The following TGFBR1 variants were observed in gnomAD, a reference collection of about 807,000 sequenced individuals.
The protein encoded by TGFBR1 is TGF-beta receptor type-1.
Under a neutral mutation model 55.1 loss-of-function variants are expected in TGFBR1, and 20 were observed. The observed-to-expected ratio is 0.36, with a 90% confidence interval of 0.26 to 0.53. TGFBR1 has a LOEUF of 0.53. TGFBR1 is among the 20% of genes least tolerant of loss of function. The pLI is 0.91. For synonymous variants in TGFBR1, 220 were observed against 214.8 expected (o/e 1.02, Z -0.21); for missense variants, 385 against 617.6 (o/e 0.62, Z 3.99).
chr9:99,119,330 C>G (rs140168315), intron 1 of TGFBR1, among the ~76,000 whole-genome samples: 198 of 152,272 alleles, frequency 1.3e-3, no homozygotes, highest in African/African-American at 4.6e-3. Flanking sequence ...CCAGGATGAT[C>G]AGCCACTTTC....
intron 2 of TGFBR1, among the ~76,000 whole-genome samples, chr9:99,131,050 A>T (rs1006778158): frequency 3.9e-5 from 6 of 152,310 alleles, no homozygotes; most frequent in African/African-American, 1.4e-4. Context: ...TTATTATCAG[A>T]ATTCCAGAAA....
At chr9:99,116,903 G>C (rs1588565179) in intron 1 of TGFBR1, among the ~76,000 whole-genome samples, 2 of 152,114 alleles carry the variant, frequency 1.3e-5, no homozygotes, top group East Asian at 3.8e-4. Context: ...TATATCTTTA[G>C]GCTCCAAGGG....
rs1416887874 is a variant in TGFBR1, at chr9:99,149,621, G to A, written c.*316G>A. ...TAACTTTAGGTAACTCTGCTGTGCT[G>A]GAGATCATCTTTAAGGGCAAAGGAG... On this transcript the variant is annotated 3_prime_UTR_variant, in exon 9 of 9. Transcript: ENST00000374994. 1 of 384,592 alleles carries A rather than the reference G, an allele frequency of 2.6e-6. No individual in the cohort carries two copies. Among genetic ancestry groups the A allele is most frequent in the East Asian group, 4.4e-5 (1 of 22,960 alleles). 23.8% of individuals were successfully genotyped at this position (384,592 alleles called of 1,614,324 possible).
Position 99,122,378 on chromosome 9 carries a change from T to C in TGFBR1, c.98-6477T>C, listed in dbSNP as rs149282683. Among the ~76,000 whole-genome samples the C allele has an allele frequency of 2.2e-3, 336 of 152,262 alleles. 1 individual carries two copies. The highest frequency in any genetic ancestry group is 7.7e-3 in the African/African-American group (318 of 41,562). On this transcript the variant is annotated intron_variant, in intron 1 of 8. Coordinates refer to ENST00000374994, the MANE Select transcript of TGFBR1 (RefSeq NM_004612.4). ...CTCTCAGCTTTTCTAGCAAGACATATGGGCTTGTGAATTAACCCTGGGTAG... is the reference window on the plus strand; with the variant it reads ...CTCTCAGCTTTTCTAGCAAGACATACGGGCTTGTGAATTAACCCTGGGTAG...
intron 3 of TGFBR1, 52 bp downstream of exon 3, chr9:99,132,791 A>T (rs779344182): frequency 2.5e-6 from 4 of 1,607,758 alleles, no homozygotes; most frequent in Admixed American, 1.7e-5. Flanking sequence ...AAATTAAGCG[A>T]TACTTATTTT....
At chr9:99,144,154 C>G (rs1564170710) in intron 5 of TGFBR1, among the ~76,000 whole-genome samples, 2 of 152,084 alleles carry the variant, frequency 1.3e-5, no homozygotes, top group Non-Finnish European at 2.9e-5. Flanking sequence ...TGGGTATATA[C>G]CTAGGAGTTG....
chr9:99,130,459 G>T (rs557654572), intron 2 of TGFBR1, among the ~76,000 whole-genome samples: 2 of 152,204 alleles, frequency 1.3e-5, no homozygotes, highest in South Asian at 4.1e-4. Flanking sequence ...GTAAGGGTTG[G>T]TCGGACTACA....
intron 1 of TGFBR1, among the ~76,000 whole-genome samples, chr9:99,114,813 G>A (rs937499864): frequency 6.6e-6 from 1 of 152,170 alleles, no homozygotes; most frequent in Non-Finnish European, 1.5e-5. Context: ...GCTACCAAAG[G>A]CAGAGCCAGA....
chr9:99,135,156 C>T (rs1331119196), intron 3 of TGFBR1, among the ~76,000 whole-genome samples: 1 of 152,136 alleles, frequency 6.6e-6, no homozygotes, highest in Admixed American at 6.5e-5. Context: ...GAGGAAAAAT[C>T]TAACATACAG....
In TGFBR1 at chr9:99,149,446, A is replaced by G; in HGVS notation, c.*141A>G. On this transcript the variant is annotated 3_prime_UTR_variant, in exon 9 of 9. Coordinates refer to ENST00000374994, the MANE Select transcript of TGFBR1 (RefSeq NM_004612.4). Reference sequence around the variant, plus strand: ...GCAGCAGTGTAATAAAGTCAATTAAAAACTTCCCAGGATTTCTTTGGACCC... The same window carrying G: ...GCAGCAGTGTAATAAAGTCAATTAAGAACTTCCCAGGATTTCTTTGGACCC... 8.0e-7 allele frequency: 1 copy of G among 1,248,254 alleles called. No individual in the cohort carries two copies. The highest frequency in any genetic ancestry group is 1.5e-5 in the African/African-American group (1 of 66,986). 77.3% of individuals were successfully genotyped at this position (1,248,254 alleles called of 1,614,324 possible). A position where few individuals can be genotyped will look rare whatever the true frequency, so the allele number is the denominator to read the frequency against.
intron 1 of TGFBR1, among the ~76,000 whole-genome samples, chr9:99,120,309 G>T (rs1039760182): frequency 6.6e-6 from 1 of 152,164 alleles, no homozygotes; most frequent in Admixed American, 6.5e-5. Context: ...ATAAGAAACT[G>T]TGTAAAAGCA....
intron 1 of TGFBR1, among the ~76,000 whole-genome samples, chr9:99,108,008 T>A (rs919424955): frequency 2.6e-5 from 4 of 152,224 alleles, no homozygotes; most frequent in African/African-American, 9.6e-5. Flanking sequence ...TTAACTCTAC[T>A]TGAATGCGTT....
At chr9:99,128,105 C>A in intron 1 of TGFBR1, 1 of 432,196 alleles carries the variant, frequency 2.3e-6, no homozygotes, top group Non-Finnish European at 4.7e-6. Flanking sequence ...AGAAGGCTTC[C>A]CTAAAGAGGT....
chr9:99,107,509 G>GC (rs967061415), intron 1 of TGFBR1, among the ~76,000 whole-genome samples: 2 of 151,992 alleles, frequency 1.3e-5, no homozygotes, highest in Non-Finnish European at 2.9e-5. Flanking sequence ...TTGAAAACGT[G>GC]CCCCCAATCC....
intron 1 of TGFBR1, among the ~76,000 whole-genome samples, chr9:99,116,805 C>T (rs1477302367): frequency 2.0e-5 from 3 of 152,170 alleles, no homozygotes; most frequent in Non-Finnish European, 2.9e-5. Context: ...GGTTACAGTA[C>T]ATCTCAAGCC....
At chr9:99,110,861 A>T (rs923362943) in intron 1 of TGFBR1, among the ~76,000 whole-genome samples, 13 of 152,234 alleles carry the variant, frequency 8.5e-5, no homozygotes, top group African/African-American at 2.9e-4. Flanking sequence ...TCAGTTAAGC[A>T]CTCCAGGGTA....
In TGFBR1 at chr9:99,146,575, A is replaced by G; in HGVS notation, c.1221A>G (p.Val407=). The part of the protein sequence containing the change: ...KRADIYAMGL[V]FWEIARRCSI... ...CTGACATCTATGCAATGGGCTTAGTATTCTGGGAAATTGCTCGACGATGTT... is the reference window on the plus strand; with the variant it reads ...CTGACATCTATGCAATGGGCTTAGTGTTCTGGGAAATTGCTCGACGATGTT... Residue 407 remains valine (V), a synonymous_variant, in exon 7 of 9, where the codon GTA becomes GTG. Coordinates refer to ENST00000374994, the MANE Select transcript of TGFBR1 (RefSeq NM_004612.4). 1.2e-6 allele frequency: 2 copies of G among 1,613,992 alleles called. No homozygotes were observed. Among genetic ancestry groups the G allele is most frequent in the Non-Finnish European group, 1.7e-6 (2 of 1,179,900 alleles).
chr9:99,148,913 TCTTTG>T (rs767358056), intron 8 of TGFBR1, among the ~76,000 whole-genome samples: 1 of 152,196 alleles, frequency 6.6e-6, no homozygotes, highest in Non-Finnish European at 1.5e-5. Flanking sequence ...TCAGATTTCT[TCTTTG>T]CTTTGCCCAG....
rs888333214 is a variant in TGFBR1 at position 99,144,630 on chromosome 9, C to CT, written c.974-99dup. 16 of 1,375,916 alleles carry CT rather than the reference C, an allele frequency of 1.2e-5. No homozygotes were observed. The African/African-American group carries it at 2.0e-4, about 17-fold the overall frequency. 85.2% of individuals were successfully genotyped at this position (1,375,916 alleles called of 1,614,324 possible). A position where few individuals can be genotyped will look rare whatever the true frequency, so the allele number is the denominator to read the frequency against. On this transcript the variant is annotated intron_variant, in intron 5 of 8. Coordinates refer to ENST00000374994, the MANE Select transcript of TGFBR1 (RefSeq NM_004612.4). ...ATTGTAGGTCATGTGGGCTGAAATG[C>CT]TTTGATAATTTGGGTTGGGAGAAGA...
Sources: gnomAD v4.1 joint callset for allele counts (sites outside exome capture counted in the v4.1 genomes callset) on GRCh38, gnomAD v4.1.1 for gene constraint, MANE v1.5 for transcripts, NCBI Gene and HGNC (gene_info 2026-07-23, HGNC 2026-07-21) for gene names.